LRP6: variants seen among roughly 807,000 people sequenced by gnomAD.
The protein encoded by LRP6 is LDL receptor related protein 6.
LRP6 carries 43 observed loss-of-function variants against 184.1 expected under a neutral mutation model. That is an observed-to-expected ratio of 0.23 (90% CI 0.18 to 0.30). LRP6 has a LOEUF of 0.30. Among genes scored for constraint, LRP6 ranks in the 10% least tolerant of loss-of-function variants. The pLI is 1.00. For synonymous variants in LRP6, 719 were observed against 684.9 expected, an observed-to-expected ratio of 1.05 and a Z score of -0.78; for missense variants, 1,571 against 2,005.3, an observed-to-expected ratio of 0.78 and a Z score of 4.14.
At chr12:12,197,044 T>C (rs1863780659) in intron 3 of LRP6, among the ~76,000 whole-genome samples, 1 of 152,236 alleles carries the variant, frequency 6.6e-6, no homozygotes, top group Non-Finnish European at 1.5e-5. Flanking sequence ...CAGGATAAAT[T>C]GCTTCTTTCT....
At chr12:12,180,942 T>C (rs999411986) in intron 6 of LRP6, 101 bp downstream of exon 6, 68 of 1,301,822 alleles carry the variant, frequency 5.2e-5, no homozygotes, top group Non-Finnish European at 7.3e-5. Context: ...AGCTGTTTAC[T>C]GGAAACCAAT....
chr12:12,127,555 C>G (rs1565531122), intron 19 of LRP6, among the ~76,000 whole-genome samples: 1 of 152,140 alleles, frequency 6.6e-6, no homozygotes, highest in Non-Finnish European at 1.5e-5. Flanking sequence ...TCTTTAATAC[C>G]TGATTACTGG....
intron 2 of LRP6, among the ~76,000 whole-genome samples, chr12:12,203,680 A>C (rs989457740): frequency 3.9e-5 from 6 of 152,204 alleles, no homozygotes; most frequent in Admixed American, 6.5e-5. Flanking sequence ...AGGCAGGAGA[A>C]TCGCTTGAAC....
rs1037449863 is a variant in LRP6 at position 12,120,791 on chromosome 12, A to G, written c.*335T>C. On this transcript the variant is annotated 3_prime_UTR_variant, in exon 23 of 23. Transcript: ENST00000261349. ...AAAGCCCAGATATTCCTGGTCAGTG[A>G]TGCCTTTATTATTCCTGTTTCCTTT... 3.9e-5 allele frequency: 7 copies of G among 177,852 alleles called. No individual in the cohort carries two copies. Among genetic ancestry groups the G allele is most frequent in the Non-Finnish European group, 7.0e-5 (6 of 85,134 alleles). The allele number at this position is 177,852 out of a possible 1,614,324, so 11.0% of individuals were successfully genotyped here.
At chr12:12,230,500 T>G (rs1029285408) in intron 2 of LRP6, among the ~76,000 whole-genome samples, 1 of 152,124 alleles carries the variant, frequency 6.6e-6, no homozygotes, top group African/African-American at 2.4e-5. Flanking sequence ...CATTGAGACT[T>G]GAGCTATAAA....
At chr12:12,259,197 A>C (rs919004067) in intron 1 of LRP6, among the ~76,000 whole-genome samples, 1 of 148,522 alleles carries the variant, frequency 6.7e-6, no homozygotes, top group South Asian at 2.2e-4. Context: ...CAGGAGGCAG[A>C]TGTCACAGTG....
chr12:12,231,725 ACTC>A (rs1387953201), intron 2 of LRP6, among the ~76,000 whole-genome samples: 1 of 151,330 alleles, frequency 6.6e-6, no homozygotes, highest in Non-Finnish European at 1.5e-5. Flanking sequence ...AACAAAAAAA[ACTC>A]ATGCTGAGCA....
At chr12:12,207,383 A>G (rs1174243745) in intron 2 of LRP6, among the ~76,000 whole-genome samples, 1 of 151,978 alleles carries the variant, frequency 6.6e-6, no homozygotes, top group Non-Finnish European at 1.5e-5. Flanking sequence ...GCTGGGCATG[A>G]TGGTGTGCAC....
At chr12:12,177,294 G>A (rs1357504973) in intron 7 of LRP6, among the ~76,000 whole-genome samples, 1 of 152,174 alleles carries the variant, frequency 6.6e-6, no homozygotes, top group East Asian at 1.9e-4. Flanking sequence ...GACTAGAAGG[G>A]AGAATGTCAC....
intron 1 of LRP6, among the ~76,000 whole-genome samples, chr12:12,263,853 C>T (rs764960839): frequency 8.6e-5 from 13 of 151,496 alleles, no homozygotes; most frequent in Non-Finnish European, 1.5e-4. Flanking sequence ...AATAGGAATT[C>T]GTGAACCTGG....
intron 4 of LRP6, among the ~76,000 whole-genome samples, chr12:12,186,148 A>C (rs1353096818): frequency 6.6e-6 from 1 of 152,126 alleles, no homozygotes; most frequent in Non-Finnish European, 1.5e-5. Context: ...CGCCTGGCCC[A>C]AGAGTTTGTT....
At chr12:12,148,847 C>T in intron 14 of LRP6, 95 bp downstream of exon 14, 1 of 882,412 alleles carries the variant, frequency 1.1e-6, no homozygotes, top group Non-Finnish European at 1.9e-6. Context: ...TGCTGGAGCA[C>T]AGGACACTTA....
At chr12:12,239,159 C>T (rs1245052239) in intron 2 of LRP6, among the ~76,000 whole-genome samples, 1 of 152,112 alleles carries the variant, frequency 6.6e-6, no homozygotes, top group Admixed American at 6.6e-5. Context: ...ACAGACCTTC[C>T]CAATTTAACA....
At chr12:12,174,180 C>T (rs1006761166) in intron 7 of LRP6, among the ~76,000 whole-genome samples, 9 of 151,648 alleles carry the variant, frequency 5.9e-5, no homozygotes, top group African/African-American at 7.3e-5. Context: ...GGCCTGATCT[C>T]GGCTCACTGC....
Position 12,242,998 on chromosome 12 carries a change from T to C in LRP6, c.449+1264A>G, listed in dbSNP as rs955262602. On this transcript the variant is annotated intron_variant, in intron 2 of 22. Coordinates refer to ENST00000261349, the MANE Select transcript of LRP6 (RefSeq NM_002336.3). ...AATTCACTCCTTTCTATAAGTGAAA[T>C]GAGTTTTAAAGCATTCTAATACAAC... Among the ~76,000 whole-genome samples the C allele has an allele frequency of 3.9e-4, 59 of 152,220 alleles. 1 individual carries two copies. Among genetic ancestry groups the C allele is most frequent in the Non-Finnish European group, 1.2e-4 (8 of 68,024 alleles).
intron 1 of LRP6, among the ~76,000 whole-genome samples, chr12:12,246,042 G>C (rs761187214): frequency 7.2e-4 from 56 of 78,174 alleles, no homozygotes; most frequent in Middle Eastern, 0.011. Context: ...TGCTCTTGTT[G>C]CCCAGGCTGG....
chr12:12,195,847 A>T (rs1329140846), intron 3 of LRP6, among the ~76,000 whole-genome samples: 1 of 152,076 alleles, frequency 6.6e-6, no homozygotes, highest in Non-Finnish European at 1.5e-5. Flanking sequence ...TCTTTGATCC[A>T]TTTTGAGTTG....
intron 13 of LRP6, 107 bp from the exon 14 acceptor site, chr12:12,149,260 C>G (rs752358557): frequency 1.6e-5 from 14 of 860,406 alleles, no homozygotes; most frequent in Non-Finnish European, 2.4e-5. Flanking sequence ...TGAGAAGGCT[C>G]TCTCAAGTCT....
Position 12,159,977 on chromosome 12 carries a change from T to A in LRP6, c.2280-13A>T. 6.4e-7 allele frequency: 1 copy of A among 1,572,370 alleles called. No individual in the cohort carries two copies. Among genetic ancestry groups the A allele is most frequent in the Non-Finnish European group, 8.7e-7 (1 of 1,151,140 alleles). On this transcript the variant is annotated splice_polypyrimidine_tract_variant and intron_variant, in intron 10 of 22. Transcript: ENST00000261349. ...CCAATACATAAATCTAAATTCAAAA[T>A]AATAAATATTTAACATTTCAATTTT...
Sources: allele counts gnomAD v4.1 joint callset (sites outside exome capture counted in the v4.1 genomes callset), GRCh38; gene constraint gnomAD v4.1.1; transcripts MANE v1.5; gene names NCBI Gene and HGNC (gene_info 2026-07-23, HGNC 2026-07-21).